TMEM163: variants seen among roughly 807,000 people sequenced by gnomAD.
TMEM163 encodes the protein transmembrane protein 163.
In TMEM163, 17 loss-of-function variants were observed where a neutral mutation model predicts 29.3. The ratio of observed to expected loss-of-function variants is 0.58; its 90% confidence interval spans 0.40 to 0.87. TMEM163 has a LOEUF of 0.87. Among genes scored for constraint, TMEM163 ranks in the 40% least tolerant of loss-of-function variants. TMEM163 has a pLI of 0.00. For missense variants in TMEM163, 303 were observed against 381.5 expected, an observed-to-expected ratio of 0.79 and a Z score of 1.71; for synonymous variants, 157 against 160.6, an observed-to-expected ratio of 0.98 and a Z score of 0.17.
chr2:134,678,681 T>G (rs1684169940), intron 2 of TMEM163, among the ~76,000 whole-genome samples: 1 of 152,172 alleles, frequency 6.6e-6, no homozygotes, highest in Admixed American at 6.5e-5. Flanking sequence ...CCTTTCCCAT[T>G]CCCCAGGTCG....
chr2:134,629,251 C>T (rs758493443), intron 2 of TMEM163, among the ~76,000 whole-genome samples: 1 of 152,202 alleles, frequency 6.6e-6, no homozygotes, highest in Non-Finnish European at 1.5e-5. Flanking sequence ...TCAGCGCCAG[C>T]ACTCTTAAGC....
chr2:134,638,425 G>A (rs767741354), intron 2 of TMEM163, among the ~76,000 whole-genome samples: 8 of 152,192 alleles, frequency 5.3e-5, no homozygotes, highest in Admixed American at 2.6e-4. Context: ...TCCTGAATGA[G>A]TAGGAAAGTC....
chr2:134,647,123 C>T (rs1417456375), intron 2 of TMEM163, among the ~76,000 whole-genome samples: 2 of 152,152 alleles, frequency 1.3e-5, no homozygotes, highest in African/African-American at 4.8e-5. Context: ...TCTCTGCATG[C>T]CTCAGTTTCC....
intron 2 of TMEM163, among the ~76,000 whole-genome samples, chr2:134,704,646 C>G (rs536238252): frequency 1.1e-4 from 16 of 152,264 alleles, no homozygotes; most frequent in Admixed American, 9.8e-4. Flanking sequence ...TATCGACCTA[C>G]GAAAATTCCA....
Position 134,575,562 on chromosome 2 carries a change from C to G in TMEM163, c.323-23471G>C, listed in dbSNP as rs548094228. On this transcript the variant is annotated intron_variant, in intron 2 of 7. Transcript: ENST00000281924. ...ATTGTTTTTCCTAGCTCCATGCCAT[C>G]CCTCTGGGTCACGCTTTCATGAGAT... is the stretch of plus-strand genomic sequence containing the variant. Among the ~76,000 whole-genome samples the G allele has an allele frequency of 2.6e-5, 4 of 152,188 alleles. No individual in the cohort carries two copies. The South Asian group carries it at 6.2e-4, about 24-fold the overall frequency.
chr2:134,709,579 T>C (rs1165978200), intron 2 of TMEM163, among the ~76,000 whole-genome samples: 1 of 152,246 alleles, frequency 6.6e-6, no homozygotes, highest in African/African-American at 2.4e-5. Context: ...GTATATTGAT[T>C]ACCTGGAAGC....
Position 134,713,264 on chromosome 2 carries a change from C to T in TMEM163, c.258G>A (p.Lys86=). ...LKPHEAQNYR[K]KALWVSWFSI... ...AGAACCAGGACACCCACAATGCCTT[C>T]TTCCTGTAGTTCTGGGCTTCGTGAG... The change falls in exon 2 of 8, where the codon AAG becomes AAA. Residue 86 remains lysine, a synonymous_variant. Coordinates refer to ENST00000281924, the MANE Select transcript of TMEM163 (RefSeq NM_030923.5). 1 of 1,614,174 alleles carries T rather than the reference C, an allele frequency of 6.2e-7. No individual in the cohort carries two copies. Among genetic ancestry groups the T allele is most frequent in the Non-Finnish European group, 8.5e-7 (1 of 1,180,026 alleles).
chr2:134,664,235 T>C (rs999147735), intron 2 of TMEM163, among the ~76,000 whole-genome samples: 39 of 152,322 alleles, frequency 2.6e-4, no homozygotes, highest in African/African-American at 9.4e-4. Context: ...TGGACTAATC[T>C]CTTCCCAGCG....
intron 5 of TMEM163, among the ~76,000 whole-genome samples, chr2:134,486,702 CA>C (rs2106481134): frequency 6.6e-6 from 1 of 152,270 alleles, no homozygotes; most frequent in South Asian, 2.1e-4. Context: ...AAAATCAGTA[CA>C]CCAGGGCACG....
In TMEM163 at chr2:134,455,948, A is replaced by T. The variant is rs985800981; in HGVS notation, c.*768T>A. On this transcript the variant is annotated 3_prime_UTR_variant, in exon 8 of 8. Coordinates refer to ENST00000281924, the MANE Select transcript of TMEM163 (RefSeq NM_030923.5). ...ATCTCTCACAGACTGTAATGTACCC[A>T]TTACCACTTAACACAGCATATAGAT... 13 of 151,724 alleles carry T rather than the reference A, an allele frequency of 8.6e-5. No individual in the cohort carries two copies. The highest frequency in any genetic ancestry group is 3.2e-4 in the African/African-American group (13 of 41,102). 9.4% of individuals were successfully genotyped at this position (151,724 alleles called of 1,614,324 possible).
At chr2:134,527,195 C>A (rs1680314395) in intron 4 of TMEM163, among the ~76,000 whole-genome samples, 1 of 152,224 alleles carries the variant, frequency 6.6e-6, no homozygotes, top group East Asian at 1.9e-4. Context: ...ATGTCTCTTC[C>A]ATCTCCTTTC....
At chr2:134,586,461 C>T (rs1338925410) in intron 2 of TMEM163, among the ~76,000 whole-genome samples, 4 of 152,324 alleles carry the variant, frequency 2.6e-5, no homozygotes, top group Non-Finnish European at 5.9e-5. Context: ...ACGTGGCATT[C>T]TCTTTGCGTG....
At chr2:134,642,549 A>C (rs1219262638) in intron 2 of TMEM163, among the ~76,000 whole-genome samples, 1 of 152,232 alleles carries the variant, frequency 6.6e-6, no homozygotes, top group Non-Finnish European at 1.5e-5. Flanking sequence ...ACTGGAACTA[A>C]TTGAAATTTA....
rs1244190745 is a variant in TMEM163, at chr2:134,645,794, G to T, written c.322+67406C>A. The stretch of plus-strand genomic sequence containing the variant: ...CTATAGTGGCAAGAACAGATCAGTG[G>T]TTGCCAGGCTTTAGGTGTTGGGGGT... On this transcript the variant is annotated intron_variant, in intron 2 of 7. Transcript: ENST00000281924. Among the ~76,000 whole-genome samples, 3 of 152,108 alleles carry T rather than the reference G, an allele frequency of 2.0e-5. No homozygotes were observed. In the East Asian group the frequency reaches 5.8e-4, roughly 29 times the overall value.
At chr2:134,689,485 G>A (rs58626212) in intron 2 of TMEM163, among the ~76,000 whole-genome samples, 40,584 of 152,054 alleles carry the variant, frequency 0.27, 7,105 homozygotes, top group African/African-American at 0.48. Flanking sequence ...ACTGGTCTAG[G>A]GACTCAGCTC....
intron 6 of TMEM163, among the ~76,000 whole-genome samples, chr2:134,464,356 G>A (rs963950786): frequency 2.0e-5 from 3 of 152,138 alleles, no homozygotes; most frequent in Non-Finnish European, 4.4e-5. Context: ...ATCAGTTCCC[G>A]GGCCCCAATT....
chr2:134,516,003 G>A (rs372602174), intron 4 of TMEM163, among the ~76,000 whole-genome samples: 4 of 152,106 alleles, frequency 2.6e-5, no homozygotes, highest in East Asian at 1.9e-4. Context: ...TCATGAGCAC[G>A]TACTACGTGT....
At chr2:134,465,605 A>C (rs551033514) in intron 6 of TMEM163, among the ~76,000 whole-genome samples, 2 of 152,310 alleles carry the variant, frequency 1.3e-5, no homozygotes, top group South Asian at 4.1e-4. Context: ...AGGGACACAC[A>C]CAGACTTTTC....
In TMEM163 at chr2:134,519,729, A is replaced by G. The variant is rs189904475; in HGVS notation, c.459-16732T>C. On this transcript the variant is annotated intron_variant, in intron 4 of 7. Transcript: ENST00000281924. ...TCCGTGTCAAAAATTTAAAGAAAAA[A>G]AAAATACAAAAATCCACCAGGCGTG... Among the ~76,000 whole-genome samples, 8 of 151,720 alleles carry G rather than the reference A, an allele frequency of 5.3e-5. 1 individual carries two copies. Among genetic ancestry groups the G allele is most frequent in the Admixed American group, 5.3e-4 (8 of 15,230 alleles).
Sources: gnomAD v4.1 joint callset for allele counts (sites outside exome capture counted in the v4.1 genomes callset) on GRCh38, gnomAD v4.1.1 for gene constraint, MANE v1.5 for transcripts, NCBI Gene and HGNC (gene_info 2026-07-23, HGNC 2026-07-21) for gene names.